The following TMEM132D variants were observed in gnomAD, a reference collection of about 807,000 sequenced individuals.
The protein encoded by TMEM132D is mature OL transmembrane protein.
Under a neutral mutation model 62.3 loss-of-function variants are expected in TMEM132D, and 21 were observed. That is an observed-to-expected ratio of 0.34 (90% CI 0.24 to 0.49). TMEM132D has a LOEUF of 0.49. Among genes scored for constraint, TMEM132D ranks in the 20% least tolerant of loss-of-function variants. The probability of loss-of-function intolerance (pLI) is 0.99; values close to 1 mark genes in which losing one functional copy is unlikely to be tolerated. For missense variants in TMEM132D, 1,346 were observed against 1,402.8 expected, an observed-to-expected ratio of 0.96 and a Z score of 0.65; for synonymous variants, 621 against 575.6, an observed-to-expected ratio of 1.08 and a Z score of -1.13.
intron 4 of TMEM132D, among the ~76,000 whole-genome samples, chr12:129,250,740 C>T (rs962352043): frequency 6.6e-6 from 1 of 152,188 alleles, no homozygotes; most frequent in Non-Finnish European, 1.5e-5. Context: ...TGACCAAGCC[C>T]TCCAAAGACA....
At chr12:129,698,039 T>C (rs940433837) in intron 2 of TMEM132D, 1 of 152,184 alleles carries the variant, frequency 6.6e-6, no homozygotes, top group African/African-American at 2.4e-5. Context: ...TGGCAGACGG[T>C]ATGAAACGGT....
chr12:129,195,392 A>C (rs1442612737), intron 5 of TMEM132D, among the ~76,000 whole-genome samples: 1 of 152,090 alleles, frequency 6.6e-6, no homozygotes, highest in African/African-American at 2.4e-5. Flanking sequence ...TGTAAGGAAC[A>C]TAGCTTTCAC....
chr12:129,231,529 T>C (rs1452613775), intron 4 of TMEM132D, among the ~76,000 whole-genome samples: 1 of 152,222 alleles, frequency 6.6e-6, no homozygotes, highest in Non-Finnish European at 1.5e-5. Flanking sequence ...TAACCAATTG[T>C]TCTTTTATTG....
intron 1 of TMEM132D, among the ~76,000 whole-genome samples, chr12:129,764,282 T>C (rs1264166086): frequency 6.6e-6 from 1 of 152,120 alleles, no homozygotes; most frequent in African/African-American, 2.4e-5. Context: ...CCCTTCAGCA[T>C]AGGAAAGGAA....
chr12:129,073,681 G>A lies in TMEM132D; in HGVS notation c.*194C>T, dbSNP rs1218635756. Reference sequence around the variant, plus strand: ...TGATAAACCTCTTAAGCAAGACACTGTACTCTGGAATGTGTGCGTCGATGC... The same window carrying A: ...TGATAAACCTCTTAAGCAAGACACTATACTCTGGAATGTGTGCGTCGATGC... On this transcript the variant is annotated 3_prime_UTR_variant, in exon 9 of 9. Coordinates refer to ENST00000422113, the MANE Select transcript of TMEM132D (RefSeq NM_133448.3). 1 of 521,366 alleles carries A rather than the reference G, an allele frequency of 1.9e-6. No individual in the cohort carries two copies. The highest frequency in any genetic ancestry group is 3.0e-5 in the East Asian group (1 of 33,244). The allele number at this position is 521,366 out of a possible 1,614,324, so 32.3% of individuals were successfully genotyped here.
At chr12:129,892,363 C>T (rs556852240) in intron 1 of TMEM132D, among the ~76,000 whole-genome samples, 42 of 152,316 alleles carry the variant, frequency 2.8e-4, no homozygotes, top group African/African-American at 9.9e-4. Flanking sequence ...TTGACTATCA[C>T]TCAATACTGT....
At chr12:129,155,333 T>G (rs1877205636) in intron 5 of TMEM132D, among the ~76,000 whole-genome samples, 1 of 152,234 alleles carries the variant, frequency 6.6e-6, no homozygotes, top group Non-Finnish European at 1.5e-5. Context: ...TGGAGTGATT[T>G]TATTTTCTTT....
chr12:129,659,798 G>T (rs978307719), intron 2 of TMEM132D, among the ~76,000 whole-genome samples: 1 of 152,118 alleles, frequency 6.6e-6, no homozygotes, highest in Non-Finnish European at 1.5e-5. Flanking sequence ...TTTAGAGAAT[G>T]GATTTATTTA....
intron 2 of TMEM132D, among the ~76,000 whole-genome samples, chr12:129,570,680 A>T (rs1819376560): frequency 6.6e-6 from 1 of 152,234 alleles, no homozygotes; most frequent in African/African-American, 2.4e-5. Flanking sequence ...GACTGCACCC[A>T]GATTAAAATG....
intron 3 of TMEM132D, among the ~76,000 whole-genome samples, chr12:129,483,909 A>G (rs765150524): frequency 1.3e-5 from 2 of 152,360 alleles, no homozygotes; most frequent in African/African-American, 2.4e-5. Flanking sequence ...CTGCCAAAAC[A>G]TATGTATACA....
intron 2 of TMEM132D, among the ~76,000 whole-genome samples, chr12:129,674,016 G>A (rs776184174): frequency 1.3e-5 from 2 of 152,200 alleles, no homozygotes; most frequent in African/African-American, 4.8e-5. Flanking sequence ...ACAGTTTGCA[G>A]ATGACACATG....
At chr12:129,657,963 A>G (rs1880136100) in intron 2 of TMEM132D, among the ~76,000 whole-genome samples, 1 of 152,246 alleles carries the variant, frequency 6.6e-6, no homozygotes, top group African/African-American at 2.4e-5. Flanking sequence ...GTTGCAGAGT[A>G]AGCAAATCAG....
chr12:129,778,051 G>C (rs1237842592), intron 1 of TMEM132D, among the ~76,000 whole-genome samples: 2 of 145,248 alleles, frequency 1.4e-5, no homozygotes, highest in Non-Finnish European at 3.0e-5. Flanking sequence ...GGAGGTCAAG[G>C]CTGCAGTGAG....
intron 5 of TMEM132D, among the ~76,000 whole-genome samples, chr12:129,136,237 A>G (rs750354391): frequency 5.3e-5 from 8 of 152,204 alleles, no homozygotes; most frequent in Non-Finnish European, 1.0e-4. Flanking sequence ...ACCCAAATTG[A>G]TTGAATAATT....
chr12:129,353,818 T>G lies in TMEM132D; in HGVS notation c.1116-16001A>C, dbSNP rs537679960. Among the ~76,000 whole-genome samples the G allele has an allele frequency of 6.6e-4, 100 of 152,068 alleles. 1 individual carries two copies. The highest frequency in any genetic ancestry group is 2.4e-3 in the African/African-American group (99 of 41,478). ...GGCAATGAAAAAGGAAGCGGAGTAGTGAGCCCAGCCTCTACATACAGCTCA... is the reference window on the plus strand; with the variant it reads ...GGCAATGAAAAAGGAAGCGGAGTAGGGAGCCCAGCCTCTACATACAGCTCA... On this transcript the variant is annotated intron_variant, in intron 3 of 8. Coordinates refer to ENST00000422113, the MANE Select transcript of TMEM132D (RefSeq NM_133448.3).
chr12:129,425,707 G>C (rs1872477064), intron 3 of TMEM132D, among the ~76,000 whole-genome samples: 1 of 152,132 alleles, frequency 6.6e-6, no homozygotes, highest in African/African-American at 2.4e-5. Flanking sequence ...TGTGGTATTT[G>C]CAGCTGACAT....
At chr12:129,462,275 C>T (rs552357227) in intron 3 of TMEM132D, among the ~76,000 whole-genome samples, 24 of 152,216 alleles carry the variant, frequency 1.6e-4, no homozygotes, top group African/African-American at 5.8e-4. Context: ...AGGAAGCACA[C>T]TGCATTGGAA....
chr12:129,558,303 C>A (rs1877118924), intron 2 of TMEM132D, among the ~76,000 whole-genome samples: 2 of 152,214 alleles, frequency 1.3e-5, no homozygotes, highest in African/African-American at 4.8e-5. Flanking sequence ...TGGGCCAAAG[C>A]AAGTCATGTG....
At chr12:129,264,615 C>A (rs1305469994) in intron 4 of TMEM132D, among the ~76,000 whole-genome samples, 1 of 152,132 alleles carries the variant, frequency 6.6e-6, no homozygotes, top group Non-Finnish European at 1.5e-5. Flanking sequence ...GATACTTGTA[C>A]ATGAATGTTT....
Sources: allele counts gnomAD v4.1 joint callset (sites outside exome capture counted in the v4.1 genomes callset), GRCh38; gene constraint gnomAD v4.1.1; transcripts MANE v1.5; gene names NCBI Gene and HGNC (gene_info 2026-07-23, HGNC 2026-07-21).